Variants in CDK19 observed in about 807,000 individuals in gnomAD.
CDK19 encodes the protein cyclin-dependent kinase 19.
A neutral mutation model predicts 68.3 loss-of-function variants in CDK19; 20 were observed. That is an observed-to-expected ratio of 0.29 (90% CI 0.21 to 0.43). The LOEUF is 0.43. Among genes scored for constraint, CDK19 ranks in the 20% least tolerant of loss-of-function variants. The pLI is 1.00. For missense variants in CDK19, 339 were observed against 623.5 expected (o/e 0.54, Z 4.86); for synonymous variants, 221 against 222.8 (o/e 0.99, Z 0.07).
chr6:110,784,866 A>G (rs1302009532), intron 1 of CDK19, among the ~76,000 whole-genome samples: 3 of 152,170 alleles, frequency 2.0e-5, no homozygotes, highest in Admixed American at 6.5e-5. Context: ...CAAGACACAC[A>G]ATAACATATA....
At chr6:110,680,997 A>AAAAT (rs1214288830) in intron 2 of CDK19, among the ~76,000 whole-genome samples, 17 of 151,826 alleles carry the variant, frequency 1.1e-4, no homozygotes, top group Admixed American at 1.1e-3. Flanking sequence ...ACTCTGTCTC[A>AAAAT]AAATAAATAA....
chr6:110,643,087 T>C (rs1205635798), intron 4 of CDK19: 21 of 687,964 alleles, frequency 3.1e-5, no homozygotes, highest in Non-Finnish European at 3.9e-5. Context: ...GTAAGGAAGC[T>C]GAGCCTGCTA....
At chr6:110,700,935 G>A (rs1248647834) in intron 2 of CDK19, 4 of 152,644 alleles carry the variant, frequency 2.6e-5, no homozygotes, top group Admixed American at 1.3e-4. Flanking sequence ...GGCCGGGCGC[G>A]GTGGCTCATG....
chr6:110,695,014 G>C (rs371580178), intron 2 of CDK19, among the ~76,000 whole-genome samples: 13 of 152,274 alleles, frequency 8.5e-5, no homozygotes, highest in East Asian at 7.7e-4. Flanking sequence ...CTACTCAGGA[G>C]GCTGAGGCAG....
At chr6:110,658,257 G>C (rs1562167775) in intron 4 of CDK19, among the ~76,000 whole-genome samples, 1 of 152,184 alleles carries the variant, frequency 6.6e-6, no homozygotes, top group Non-Finnish European at 1.5e-5. Flanking sequence ...TTAGGAACCA[G>C]AGGTCACTGG....
At chr6:110,726,537 C>T (rs1776325829) in intron 2 of CDK19, among the ~76,000 whole-genome samples, 1 of 152,044 alleles carries the variant, frequency 6.6e-6, no homozygotes, top group Admixed American at 6.6e-5. Context: ...GTTATAGATA[C>T]CTAAGTGAAT....
Position 110,614,374 on chromosome 6 carries a change from G to C in CDK19, c.*161C>G, listed in dbSNP as rs975834276. The C allele has an allele frequency of 3.7e-5, 19 of 509,156 alleles. No homozygotes were observed. The highest frequency in any genetic ancestry group is 5.6e-5 in the African/African-American group (3 of 53,296). The allele number at this position is 509,156 out of a possible 1,614,324, so 31.5% of individuals were successfully genotyped here. A position where few individuals can be genotyped will look rare whatever the true frequency, so the allele number is the denominator to read the frequency against. On this transcript the variant is annotated 3_prime_UTR_variant, in exon 13 of 13. Coordinates refer to ENST00000368911, the MANE Select transcript of CDK19 (RefSeq NM_015076.5). ...GAATCTTCTTTAAGTCAATAAAGAA[G>C]AGCTATCAGTCCTGCACAATGCTCA...
At chr6:110,737,179 C>T (rs1344663882) in intron 2 of CDK19, among the ~76,000 whole-genome samples, 2 of 152,198 alleles carry the variant, frequency 1.3e-5, no homozygotes, top group African/African-American at 4.8e-5. Context: ...TTTTCAGCTA[C>T]ATCTATGACT....
intron 1 of CDK19, among the ~76,000 whole-genome samples, chr6:110,804,785 C>T (rs1782565135): frequency 6.6e-6 from 1 of 150,968 alleles, no homozygotes; most frequent in Admixed American, 6.6e-5. Flanking sequence ...GAAACCCCGT[C>T]GCTACTAAAA....
At chr6:110,641,106 A>G (rs551394221) in intron 4 of CDK19, among the ~76,000 whole-genome samples, 1 of 152,310 alleles carries the variant, frequency 6.6e-6, no homozygotes, top group South Asian at 2.1e-4. Context: ...CATACTAGAA[A>G]GAAAAAGAAA....
At chr6:110,736,968 A>T (rs1473765563) in intron 2 of CDK19, among the ~76,000 whole-genome samples, 1 of 152,206 alleles carries the variant, frequency 6.6e-6, no homozygotes, top group Non-Finnish European at 1.5e-5. Flanking sequence ...TAAATTGATA[A>T]TTTTTATATT....
intron 1 of CDK19, among the ~76,000 whole-genome samples, chr6:110,797,332 T>G (rs1313602786): frequency 1.3e-5 from 2 of 151,960 alleles, no homozygotes; most frequent in African/African-American, 2.4e-5. Context: ...AGAGGGAGAC[T>G]TCGTCTCAAA....
intron 2 of CDK19, among the ~76,000 whole-genome samples, chr6:110,680,602 A>G (rs1177597306): frequency 3.9e-5 from 6 of 152,354 alleles, no homozygotes; most frequent in Non-Finnish European, 5.9e-5. Flanking sequence ...AAGAAAACTG[A>G]TAAGTAAATT....
intron 4 of CDK19, among the ~76,000 whole-genome samples, chr6:110,641,613 AAAAG>A (rs1287066356): frequency 8.4e-4 from 123 of 145,638 alleles, no homozygotes; most frequent in Non-Finnish European, 1.5e-3. Flanking sequence ...AAAAAAAAGA[AAAAG>A]AAAGGAGAGG....
At chr6:110,773,206 GTGA>G (rs1562276834) in intron 1 of CDK19, among the ~76,000 whole-genome samples, 1 of 152,050 alleles carries the variant, frequency 6.6e-6, no homozygotes, top group East Asian at 1.9e-4. Context: ...TTAGCTGGGC[GTGA>G]TGGTGCGTGT....
chr6:110,772,629 C>G (rs1318982905), intron 1 of CDK19, among the ~76,000 whole-genome samples: 1 of 152,114 alleles, frequency 6.6e-6, no homozygotes, highest in African/African-American at 2.4e-5. Flanking sequence ...TGCTATAGAT[C>G]TCTTTCTAAA....
intron 2 of CDK19, among the ~76,000 whole-genome samples, chr6:110,725,432 A>G (rs954377199): frequency 6.6e-6 from 1 of 152,202 alleles, no homozygotes; most frequent in African/African-American, 2.4e-5. Flanking sequence ...ACTGAATATT[A>G]CTAAACACAG....
Position 110,714,895 on chromosome 6 carries a change from G to A in CDK19, c.204+31231C>T, listed in dbSNP as rs184597327. Reference sequence around the variant, plus strand: ...ATTACAGGCATGCGCCACCACGCCCGGCTAATTTCTGTATTTTTAGTAGAA... The same window carrying A: ...ATTACAGGCATGCGCCACCACGCCCAGCTAATTTCTGTATTTTTAGTAGAA... On this transcript the variant is annotated intron_variant, in intron 2 of 12. Transcript: ENST00000368911. Among the ~76,000 whole-genome samples the A allele has an allele frequency of 7.9e-5, 12 of 151,700 alleles. No individual in the cohort carries two copies. In the East Asian group the frequency reaches 1.7e-3, roughly 22 times the overall value.
chr6:110,677,379 T>A (rs531910074), intron 2 of CDK19, among the ~76,000 whole-genome samples: 1 of 151,838 alleles, frequency 6.6e-6, no homozygotes, highest in African/African-American at 2.4e-5. Context: ...CTGGCTAACA[T>A]GGTGAAACCC....
Sources: allele counts gnomAD v4.1 joint callset (sites outside exome capture counted in the v4.1 genomes callset), GRCh38; gene constraint gnomAD v4.1.1; transcripts MANE v1.5; gene names NCBI Gene and HGNC (gene_info 2026-07-23, HGNC 2026-07-21).